The following YES1 variants were observed in gnomAD, a reference collection of about 807,000 sequenced individuals.
The protein encoded by YES1 is tyrosine-protein kinase Yes.
In YES1, 39 loss-of-function variants were observed where a neutral mutation model predicts 70.4. That is an observed-to-expected ratio of 0.55 (90% confidence interval 0.43 to 0.72). The LOEUF is 0.72. Ranked by LOEUF, YES1 falls within the 30% of genes least tolerant of loss-of-function variation. The pLI is 0.00. For synonymous variants in YES1, 198 were observed against 218.6 expected (o/e 0.91, Z 0.83); for missense variants, 495 against 644.8 (o/e 0.77, Z 2.52).
chr18:760,812 G>A (rs985905746), intron 1 of YES1, among the ~76,000 whole-genome samples: 4 of 152,156 alleles, frequency 2.6e-5, no homozygotes, highest in Non-Finnish European at 4.4e-5. Flanking sequence ...GGGCAGGGGT[G>A]GGGACAGAAG....
rs746065182 is a variant in YES1 at position 724,546 on chromosome 18, A to G, written c.1510T>C (p.Leu504=). Residue 504 remains leucine, a synonymous_variant, in exon 12 of 12, where the codon TTG becomes CTG. Transcript: ENST00000314574. ...TCCTTCTTCCAACACAGATTCATCA[A>G]TTCATGGAGGGATTCTGGACAGCCC... is the stretch of plus-strand genomic sequence containing the variant. ...PQGCPESLHE[L]MNLCWKKDPD... 6.2e-7 allele frequency: 1 copy of G among 1,614,058 alleles called. No individual in the cohort carries two copies. The highest frequency in any genetic ancestry group is 8.5e-7 in the Non-Finnish European group (1 of 1,180,042).
At chr18:783,209 C>G (rs1905764196) in intron 1 of YES1, among the ~76,000 whole-genome samples, 1 of 151,976 alleles carries the variant, frequency 6.6e-6, no homozygotes, top group Non-Finnish European at 1.5e-5. Context: ...ATAGCTAGAC[C>G]CCATCTCTTA....
At chr18:739,571 T>C (rs947990540) in intron 9 of YES1, 164 bp downstream of exon 9, 1 of 532,752 alleles carries the variant, frequency 1.9e-6, no homozygotes, top group Non-Finnish European at 3.2e-6. Context: ...AGTGCACCAC[T>C]GCATTCCACC....
In YES1 at chr18:735,161, C is replaced by CAAAAAAAAAAAAAAAAAAAAA. The variant is rs71174281; in HGVS notation, c.1291+1646_1291+1647insTTTTTTTTTTTTTTTTTTTTT. 2.0e-3 allele frequency among the ~76,000 whole-genome samples: 223 copies of CAAAAAAAAAAAAAAAAAAAAA among 110,534 alleles called. 5 individuals carry two copies. The highest frequency in any genetic ancestry group is 5.4e-3 in the Middle Eastern group (1 of 184). The allele number at this position is 110,534 out of a possible 152,430, so 72.5% of individuals were successfully genotyped here. A position where few individuals can be genotyped will look rare whatever the true frequency, so the allele number is the denominator to read the frequency against. Reference sequence around the variant, plus strand: ...AACAGATTGAGACTGTGTCTCAAAGCAAAAAAAAAAAAATCATTATATGAA... The same window carrying CAAAAAAAAAAAAAAAAAAAAA: ...AACAGATTGAGACTGTGTCTCAAAGCAAAAAAAAAAAAAAAAAAAAAAAAAAAAAAAAAATCATTATATGAA... On this transcript the variant is annotated intron_variant, in intron 10 of 11. Transcript: ENST00000314574.
At chr18:781,025 T>C (rs1028489712) in intron 1 of YES1, among the ~76,000 whole-genome samples, 2 of 152,082 alleles carry the variant, frequency 1.3e-5, no homozygotes, top group Non-Finnish European at 2.9e-5. Flanking sequence ...TCCCAGCACT[T>C]TGGGGCCCGA....
At chr18:731,522 A>C (rs1350975875) in intron 11 of YES1, among the ~76,000 whole-genome samples, 1 of 152,222 alleles carries the variant, frequency 6.6e-6, no homozygotes, top group Non-Finnish European at 1.5e-5. Context: ...TTAGCAAAAC[A>C]GTTTTTCCTA....
chr18:784,326 T>C (rs970338274), intron 1 of YES1, among the ~76,000 whole-genome samples: 6 of 152,226 alleles, frequency 3.9e-5, no homozygotes, highest in Non-Finnish European at 7.3e-5. Context: ...ATATGTGTTG[T>C]TATTATCTCT....
At chr18:763,914 G>A (rs951011322) in intron 1 of YES1, among the ~76,000 whole-genome samples, 2 of 151,906 alleles carry the variant, frequency 1.3e-5, no homozygotes, top group Non-Finnish European at 2.9e-5. Context: ...GAGGTCAGGA[G>A]ATCGAGACCA....
intron 6 of YES1, among the ~76,000 whole-genome samples, chr18:744,018 T>C (rs1598899150): frequency 1.3e-5 from 2 of 149,742 alleles, no homozygotes; most frequent in African/African-American, 4.9e-5. Context: ...TATACTAATA[T>C]ATAGTAGATA....
chr18:737,061 A>G (rs1598892905), intron 9 of YES1, 100 bp from the exon 10 acceptor site: 4 of 1,028,188 alleles, frequency 3.9e-6, no homozygotes, highest in Middle Eastern at 2.4e-4. Flanking sequence ...TGAAAATCAT[A>G]TTATTTTAGA....
At chr18:776,396 G>GA (rs2050489982) in intron 1 of YES1, among the ~76,000 whole-genome samples, 1 of 152,044 alleles carries the variant, frequency 6.6e-6, no homozygotes, top group Non-Finnish European at 1.5e-5. Context: ...GGGTGTGTAG[G>GA]AGTCTCTCAC....
intron 1 of YES1, among the ~76,000 whole-genome samples, chr18:792,645 A>G (rs988291797): frequency 6.6e-6 from 1 of 151,664 alleles, no homozygotes; most frequent in African/African-American, 2.4e-5. Flanking sequence ...TCATATATAT[A>G]TGAAGGAGGA....
intron 11 of YES1, among the ~76,000 whole-genome samples, chr18:731,794 C>T (rs6506489): frequency 1.4e-4 from 21 of 151,416 alleles, no homozygotes; most frequent in Non-Finnish European, 7.4e-5. Context: ...GGTGAAACCC[C>T]GTCTCTACTA....
chr18:751,940 T>C, intron 2 of YES1, 136 bp from the exon 3 acceptor site: 2 of 643,972 alleles, frequency 3.1e-6, no homozygotes, highest in South Asian at 1.8e-5. Context: ...TTTTTAGAAG[T>C]TGGAACTACT....
chr18:785,634 G>C (rs149398061), intron 1 of YES1, among the ~76,000 whole-genome samples: 1 of 152,178 alleles, frequency 6.6e-6, no homozygotes, highest in African/African-American at 2.4e-5. Context: ...ACAGTGTTGA[G>C]AGGTGGGATC....
At chr18:746,135 T>C in intron 4 of YES1, 84 bp from the exon 5 acceptor site, 2 of 999,732 alleles carry the variant, frequency 2.0e-6, no homozygotes, top group Non-Finnish European at 1.5e-6. Flanking sequence ...TGGACTGGGA[T>C]AGGTTTGGAC....
At position 787,080 on chromosome 18, in the gene YES1, C is replaced by CTT. The variant is rs71174290; in HGVS notation, c.-9+25032_-9+25033dup. On this transcript the variant is annotated intron_variant, in intron 1 of 11. Coordinates refer to ENST00000314574, the MANE Select transcript of YES1 (RefSeq NM_005433.4). Reference sequence around the variant, plus strand: ...TTTAAAAAACTGTGATACATACTGTCTTTTTTTTTTTTTTTTTTTTTTTTT... The same window carrying CTT: ...TTTAAAAAACTGTGATACATACTGTCTTTTTTTTTTTTTTTTTTTTTTTTTTT... 6.9e-3 allele frequency among the ~76,000 whole-genome samples: 240 copies of CTT among 34,760 alleles called. 56 individuals are homozygous for CTT. The highest frequency in any genetic ancestry group is 0.023 in the Middle Eastern group (1 of 44). 22.8% of individuals were successfully genotyped at this position (34,760 alleles called of 152,430 possible).
intron 1 of YES1, among the ~76,000 whole-genome samples, chr18:787,080 CTTTTTTTTTTTTTTTTT>C (rs71174290): frequency 2.6e-4 from 9 of 34,756 alleles, no homozygotes; most frequent in East Asian, 2.6e-3. Flanking sequence ...TACATACTGT[CTTTTTTTTTTTTTTTTT>C]TTTTTTTTTT....
intron 3 of YES1, 70 bp downstream of exon 3, chr18:751,635 G>C (rs565207617): frequency 1.9e-6 from 2 of 1,035,764 alleles, no homozygotes; most frequent in African/African-American, 1.6e-5. Context: ...TCATCAACCA[G>C]CTCAGTGGTT....
Sources: allele counts gnomAD v4.1 joint callset (sites outside exome capture counted in the v4.1 genomes callset), GRCh38; gene constraint gnomAD v4.1.1; transcripts MANE v1.5; gene names NCBI Gene and HGNC (gene_info 2026-07-23, HGNC 2026-07-21).